The following TJP3 variants were observed in gnomAD, a reference collection of about 807,000 sequenced individuals.
The protein encoded by TJP3 is tight junction protein ZO-3.
TJP3 carries 85 observed loss-of-function variants against 104.2 expected under a neutral mutation model. The observed-to-expected ratio is 0.82, with a 90% CI of 0.68 to 0.98. TJP3 has a LOEUF of 0.98. TJP3 is among the 50% of genes least tolerant of loss of function. The pLI is 0.00. For synonymous variants in TJP3, 550 were observed against 550.6 expected, an observed-to-expected ratio of 1.00 and a Z score of 0.02; for missense variants, 1,367 against 1,322.8, an observed-to-expected ratio of 1.03 and a Z score of -0.52.
At chr19:3,739,242 G>T in intron 13 of TJP3, 108 bp downstream of exon 13, 1 of 1,043,898 alleles carries the variant, frequency 9.6e-7, no homozygotes, top group Non-Finnish European at 1.3e-6. Context: ...CTGTAATCCT[G>T]GCACTTTGGG....
Position 3,730,436 on chromosome 19 carries a change from G to A in TJP3, c.343G>A (p.Asp115Asn). 1 of 1,591,824 alleles carries A rather than the reference G, an allele frequency of 6.3e-7. No homozygotes were observed. Among genetic ancestry groups the A allele is most frequent in the Non-Finnish European group, 8.5e-7 (1 of 1,170,064 alleles). The stretch of plus-strand genomic sequence containing the variant: ...CCCAGGGCGCCAGGACTCGGATGAA[G>A]ACGATGGGCCCCAGCGGGTGGAGGA... The part of the protein sequence containing the change: ...SSPGRQDSDE[D>N]DGPQRVEEVD... Residue 115 changes from aspartate to asparagine, a missense_variant, in exon 5 of 21, where the codon GAC (aspartate) becomes AAC (asparagine). Asp to Asn is a conservative substitution (Grantham distance 23). Coordinates refer to ENST00000541714, the MANE Select transcript of TJP3 (RefSeq NM_001267560.2). This position sits in a 1 kb window ranked among gnomAD's most constrained non-coding sequence, Gnocchi z 7.3.
Position 3,721,592 on chromosome 19 carries a change from G to A in TJP3, c.-9-6832G>A, listed in dbSNP as rs866366165. The A allele has an allele frequency of 2.0e-5, 5 of 249,476 alleles. No individual in the cohort carries two copies. In the South Asian group the frequency reaches 7.0e-4, roughly 35 times the overall value. The allele number at this position is 249,476 out of a possible 1,614,324, so 15.5% of individuals were successfully genotyped here. ...CGGCCGCCGGCCCCCTCTCGGCTGC[G>A]TGGATAACCCGGCCTGGAGTTTCCG... On this transcript the variant is annotated intron_variant, in intron 1 of 20. Coordinates refer to ENST00000541714, the MANE Select transcript of TJP3 (RefSeq NM_001267560.2).
intron 14 of TJP3, among the ~76,000 whole-genome samples, chr19:3,742,408 G>A (rs1254128273): frequency 6.6e-6 from 1 of 151,828 alleles, no homozygotes; most frequent in Non-Finnish European, 1.5e-5. Flanking sequence ...ACTCTAGCCT[G>A]GGCAACAAAG....
chr19:3,746,818 A>C lies in TJP3; in HGVS notation c.2264A>C (p.Glu755Ala), dbSNP rs1371017340. ...LNGTSDTWYQ[E>A]LKAIIREQQT... is the part of the protein sequence containing the mutation. ...GGCACGAGTGACACCTGGTACCAGGAGCTCAAGGCCATCATTCGAGAGCAG... is the reference window on the plus strand; with the variant it reads ...GGCACGAGTGACACCTGGTACCAGGCGCTCAAGGCCATCATTCGAGAGCAG... Residue 755 changes from glutamate to alanine, a missense_variant, in exon 18 of 21, where the codon GAG (glutamate) becomes GCG (alanine). Physicochemically the swap from Glu to Ala is moderately radical, Grantham distance 107. Transcript: ENST00000541714. This position sits in a 1 kb window ranked among gnomAD's most constrained non-coding sequence, Gnocchi z 4.1. 3 of 1,612,132 alleles carry C rather than the reference A, an allele frequency of 1.9e-6. No homozygotes were observed. In the Admixed American group the frequency reaches 5.0e-5, roughly 27 times the overall value.
At position 3,740,710 on chromosome 19, in the gene TJP3, C is replaced by T; in HGVS notation, c.1790C>T (p.Ala597Val). ...CAGCGGAGCCGTGAGGACCTCTCAG[C>T]TCTGACCCGACAGGGCCGCTACCCG... The part of the protein sequence containing the change: ...TTQRSREDLS[A>V]LTRQGRYPPY... Residue 597 changes from alanine (A) to valine (V), a missense_variant, in exon 14 of 21, where the codon GCT becomes GTT. Ala to Val is a moderately conservative substitution (Grantham distance 64, BLOSUM62 0). Transcript: ENST00000541714. 1 of 1,603,936 alleles carries T rather than the reference C, an allele frequency of 6.2e-7. No individual in the cohort carries two copies. Among genetic ancestry groups the T allele is most frequent in the East Asian group, 2.3e-5 (1 of 44,212 alleles).
intron 1 of TJP3, among the ~76,000 whole-genome samples, chr19:3,718,178 C>A (rs1420965688): frequency 1.0e-4 from 10 of 98,338 alleles, no homozygotes; most frequent in Non-Finnish European, 1.5e-4. Context: ...GGCAACAGGG[C>A]GAGACTCCAA....
At chr19:3,749,006 G>T (rs2036949365) in intron 19 of TJP3, among the ~76,000 whole-genome samples, 1 of 151,398 alleles carries the variant, frequency 6.6e-6, no homozygotes, top group Non-Finnish European at 1.5e-5. Context: ...TTACAGGTGA[G>T]CACCACCATG....
At position 3,730,534 on chromosome 19, in the gene TJP3, C is replaced by T. The variant is rs1270392881; in HGVS notation, c.441C>T (p.Arg147=). ...GCCGCTCCTGGGACGAGCGCTCCCG[C>T]CGGCCGAGGCCTGGTCGCCGGGGCC... ...GSGRSWDERS[R]RPRPGRRGRA... The change falls in exon 5 of 21, where the codon CGC becomes CGT. Residue 147 remains arginine (R), a synonymous_variant. Transcript: ENST00000541714. The surrounding 1 kb of genome is among the most constrained non-coding windows in gnomAD (Gnocchi z 7.3). 6.3e-7 allele frequency: 1 copy of T among 1,598,222 alleles called. No individual in the cohort carries two copies. The highest frequency in any genetic ancestry group is 8.5e-7 in the Non-Finnish European group (1 of 1,175,044).
chr19:3,718,453 C>G (rs2036511673), intron 1 of TJP3, among the ~76,000 whole-genome samples: 2 of 104,214 alleles, frequency 1.9e-5, no homozygotes, highest in African/African-American at 7.2e-5. Flanking sequence ...TCTTTTCTTG[C>G]GGTTTTTTTT....
intron 1 of TJP3, among the ~76,000 whole-genome samples, chr19:3,710,261 G>A (rs1382767749): frequency 2.0e-5 from 3 of 146,494 alleles, no homozygotes; most frequent in African/African-American, 7.6e-5. Context: ...CTGGGGTCAA[G>A]ACGAGCTATC....
intron 9 of TJP3, 26 bp from the exon 10 acceptor site, chr19:3,735,843 G>GA: frequency 1.2e-6 from 2 of 1,613,856 alleles, no homozygotes; most frequent in Non-Finnish European, 1.7e-6. Context: ...GTGTGCTTGG[G>GA]AAAGAGACTG....
At chr19:3,750,081 C>T (rs2036969966) in intron 19 of TJP3, 57 bp from the exon 20 acceptor site, 3 of 1,611,268 alleles carry the variant, frequency 1.9e-6, no homozygotes, top group Non-Finnish European at 2.5e-6. Context: ...GGTTATTGAT[C>T]TCGACTCACC....
At chr19:3,723,126 G>C (rs2036560740) in intron 1 of TJP3, among the ~76,000 whole-genome samples, 1 of 152,182 alleles carries the variant, frequency 6.6e-6, no homozygotes, top group Non-Finnish European at 1.5e-5. Flanking sequence ...CTTCCCTAAG[G>C]GGGCCTGGTC....
At chr19:3,719,759 G>GGAA in intron 1 of TJP3, among the ~76,000 whole-genome samples, 1 of 151,584 alleles carries the variant, frequency 6.6e-6, no homozygotes, top group South Asian at 2.1e-4. Context: ...AAAAAAGAAG[G>GGAA]GAAGACATAT....
chr19:3,749,400 T>C (rs1016352074), intron 19 of TJP3, among the ~76,000 whole-genome samples: 1 of 152,098 alleles, frequency 6.6e-6, no homozygotes, highest in Non-Finnish European at 1.5e-5. Context: ...AGTGCAGTAG[T>C]ACAATCATAG....
intron 1 of TJP3, among the ~76,000 whole-genome samples, chr19:3,722,361 G>A (rs538230927): frequency 6.6e-6 from 1 of 152,126 alleles, no homozygotes; most frequent in South Asian, 2.1e-4. Context: ...TTTGCTGGGG[G>A]CGTGCAGCCG....
chr19:3,744,620 T>C (rs573441728), intron 15 of TJP3, among the ~76,000 whole-genome samples: 236 of 145,842 alleles, frequency 1.6e-3, no homozygotes, highest in Non-Finnish European at 2.4e-3. Context: ...GCCGAGGTCA[T>C]GCCACTGCAC....
Position 3,731,988 on chromosome 19 carries a change from G to A in TJP3, c.667G>A (p.Gly223Ser), listed in dbSNP as rs760420989. ...QIFIKHITDS[G>S]LAARHRGLQE... ...CTTCATCAAGCACATTACAGATTCG[G>A]GCCTGGCTGCCCGGCACCGTGGGCT... The change falls in exon 6 of 21, where the codon GGC (glycine) becomes AGC (serine). Residue 223 changes from glycine to serine, a missense_variant. Gly to Ser is a moderately conservative substitution (Grantham distance 56). Transcript: ENST00000541714. The A allele has an allele frequency of 6.2e-7, 1 of 1,613,650 alleles. No homozygotes were observed. The highest frequency in any genetic ancestry group is 8.5e-7 in the Non-Finnish European group (1 of 1,179,890).
At chr19:3,720,881 T>G (rs183931059) in intron 1 of TJP3, among the ~76,000 whole-genome samples, 144 of 150,144 alleles carry the variant, frequency 9.6e-4, no homozygotes, top group Non-Finnish European at 1.1e-3. Flanking sequence ...CTTCCTTCCC[T>G]TCTTTCCTTC....
Sources: gnomAD v4.1 joint callset for allele counts (sites outside exome capture counted in the v4.1 genomes callset) on GRCh38, gnomAD v4.1.1 for gene constraint, Gnocchi (gnomAD v3.1) non-coding constraint, MANE v1.5 for transcripts, NCBI Gene and HGNC (gene_info 2026-07-23, HGNC 2026-07-21) for gene names.